ST7: variants seen among roughly 807,000 people sequenced by gnomAD.
The protein encoded by ST7 is suppression of tumorigenicity 7.
ST7 carries 28 observed loss-of-function variants against 78.7 expected under a neutral mutation model. The observed-to-expected ratio is 0.36, with a 90% CI of 0.26 to 0.49. The LOEUF (loss-of-function observed/expected upper bound fraction) is 0.49. ST7 is among the 20% of genes least tolerant of loss of function. The pLI is 0.99. For synonymous variants in ST7, 247 were observed against 249.6 expected (o/e 0.99, Z 0.10); for missense variants, 418 against 696.0 (o/e 0.60, Z 4.49).
chr7:117,099,598 C>A (rs917152246), intron 1 of ST7, among the ~76,000 whole-genome samples, 164 bp from the exon 2 acceptor site: 19 of 152,062 alleles, frequency 1.2e-4, no homozygotes, highest in Admixed American at 1.3e-4. Context: ...GTATTCTGAG[C>A]CTATGTAATG....
intron 12 of ST7, chr7:117,198,556 G>A: frequency 3.5e-6 from 1 of 288,996 alleles, no homozygotes; most frequent in Non-Finnish European, 6.8e-6. Context: ...TTCTTTGCTT[G>A]TGGCTGATTG....
intron 1 of ST7, among the ~76,000 whole-genome samples, chr7:117,028,719 A>G (rs1796326043): frequency 1.3e-5 from 2 of 152,054 alleles, no homozygotes; most frequent in South Asian, 2.1e-4. Context: ...GGTTGACTGG[A>G]CTCCATTGGT....
chr7:117,047,480 T>C (rs1348657596), intron 1 of ST7, among the ~76,000 whole-genome samples: 4 of 152,212 alleles, frequency 2.6e-5, no homozygotes, highest in African/African-American at 7.2e-5. Context: ...ATTCACATGA[T>C]ATAATTATAT....
intron 1 of ST7, among the ~76,000 whole-genome samples, chr7:116,988,898 A>G (rs1040400112): frequency 1.2e-4 from 19 of 152,312 alleles, no homozygotes; most frequent in African/African-American, 4.1e-4. Flanking sequence ...GCAAATAGCA[A>G]ATACCTACTG....
intron 1 of ST7, among the ~76,000 whole-genome samples, chr7:116,969,185 A>G (rs1438781141): frequency 6.6e-6 from 1 of 151,634 alleles, no homozygotes; most frequent in Non-Finnish European, 1.5e-5. Flanking sequence ...GGAGTATCAT[A>G]TCTCCCTACA....
At chr7:116,956,973 C>A (rs1792536801) in intron 1 of ST7, 1 of 204,234 alleles carries the variant, frequency 4.9e-6, no homozygotes. Context: ...AACAAAGGGA[C>A]AAAGTTGTGA....
At chr7:117,010,778 T>C (rs1156595343) in intron 1 of ST7, among the ~76,000 whole-genome samples, 1 of 152,172 alleles carries the variant, frequency 6.6e-6, no homozygotes, top group Non-Finnish European at 1.5e-5. Flanking sequence ...GGAAATGCGA[T>C]GTAAGATATT....
chr7:117,160,833 G>A (rs980675872), intron 9 of ST7, among the ~76,000 whole-genome samples: 3 of 151,906 alleles, frequency 2.0e-5, no homozygotes, highest in Non-Finnish European at 4.4e-5. Context: ...GACAGGGAAG[G>A]GACTTACCTT....
chr7:116,981,276 T>G (rs1472744325), intron 1 of ST7, among the ~76,000 whole-genome samples: 3 of 152,106 alleles, frequency 2.0e-5, no homozygotes, highest in African/African-American at 7.2e-5. Flanking sequence ...CCCAGCTAAT[T>G]TTTTTGTAAT....
intron 3 of ST7, among the ~76,000 whole-genome samples, chr7:117,125,894 C>G (rs1299798713): frequency 2.0e-5 from 3 of 151,962 alleles, no homozygotes; most frequent in Non-Finnish European, 4.4e-5. Context: ...AGGTTTGTTG[C>G]ATGTAATGGA....
chr7:117,168,335 A>G (rs1179522510), intron 9 of ST7, among the ~76,000 whole-genome samples: 1 of 152,170 alleles, frequency 6.6e-6, no homozygotes, highest in Non-Finnish European at 1.5e-5. Flanking sequence ...AATATTTGGA[A>G]TTGCACTTTT....
chr7:116,989,704 T>C (rs950235343), intron 1 of ST7, among the ~76,000 whole-genome samples: 7 of 151,956 alleles, frequency 4.6e-5, no homozygotes, highest in African/African-American at 1.7e-4. Context: ...CTGGGCATGG[T>C]GACATGTACC....
At chr7:117,163,518 T>C (rs2117226489) in intron 9 of ST7, among the ~76,000 whole-genome samples, 1 of 152,316 alleles carries the variant, frequency 6.6e-6, no homozygotes, top group South Asian at 2.1e-4. Flanking sequence ...TACATTGTAG[T>C]TTTCATTTGC....
chr7:117,009,910 T>C (rs1436495027), intron 1 of ST7, among the ~76,000 whole-genome samples: 1 of 152,224 alleles, frequency 6.6e-6, no homozygotes, highest in African/African-American at 2.4e-5. Context: ...TTGCAGCCAC[T>C]GAGAACCGGG....
intron 1 of ST7, among the ~76,000 whole-genome samples, chr7:117,090,277 ACG>A (rs1250659106): frequency 1.3e-5 from 2 of 149,776 alleles, no homozygotes; most frequent in Non-Finnish European, 1.5e-5. Context: ...ACACACACAC[ACG>A]GCAAAGTCCC....
chr7:117,121,705 C>T (rs750173071), intron 3 of ST7, among the ~76,000 whole-genome samples: 10 of 152,104 alleles, frequency 6.6e-5, no homozygotes, highest in South Asian at 2.1e-4. Flanking sequence ...CCTCATGCAA[C>T]CAGAGCACTT....
chr7:116,991,608 A>G (rs945207657), intron 1 of ST7, among the ~76,000 whole-genome samples: 3 of 152,158 alleles, frequency 2.0e-5, no homozygotes, highest in African/African-American at 7.2e-5. Context: ...GGGAATTAGA[A>G]GAGTACAATT....
At chr7:116,979,920 T>C (rs1423121071) in intron 1 of ST7, among the ~76,000 whole-genome samples, 1 of 150,830 alleles carries the variant, frequency 6.6e-6, no homozygotes, top group African/African-American at 2.4e-5. Context: ...ATTATATTTA[T>C]CATGCTCATA....
rs1488670174 is a variant in ST7, at chr7:117,190,112, T to C, written c.1151+719T>C. 2 of 166,972 alleles carry C rather than the reference T, an allele frequency of 1.2e-5. No individual in the cohort carries two copies. The highest frequency in any genetic ancestry group is 2.9e-5 in the Non-Finnish European group (2 of 68,172). 10.3% of individuals were successfully genotyped at this position (166,972 alleles called of 1,614,324 possible). A position where few individuals can be genotyped will look rare whatever the true frequency, so the allele number is the denominator to read the frequency against. ...ACTTCAAGACCAAAGTAATTTTCTT[T>C]CATTCTTTTTTATCCTGTAGATCGC... is the stretch of plus-strand genomic sequence containing the variant. On this transcript the variant is annotated intron_variant, in intron 11 of 15. Coordinates refer to ENST00000323984, the MANE Select transcript of ST7 (RefSeq NM_001369598.1). The surrounding 1 kb of genome is among the most constrained non-coding windows in gnomAD (Gnocchi z 5.2).
Sources: allele counts gnomAD v4.1 joint callset (sites outside exome capture counted in the v4.1 genomes callset), GRCh38; gene constraint gnomAD v4.1.1; non-coding constraint Gnocchi (gnomAD v3.1); transcripts MANE v1.5; gene names NCBI Gene and HGNC (gene_info 2026-07-23, HGNC 2026-07-21).